The following SPTBN5 variants were observed in gnomAD, a reference collection of about 807,000 sequenced individuals.
SPTBN5 encodes spectrin beta chain, non-erythrocytic 5.
SPTBN5 carries 513 observed loss-of-function variants against 477.6 expected under a neutral mutation model. That is an observed-to-expected ratio of 1.07 (90% CI 1.00 to 1.16). SPTBN5 has a LOEUF of 1.16. SPTBN5 is among the 50% of genes most tolerant of loss of function. The pLI, the probability that SPTBN5 is intolerant of heterozygous loss-of-function variation, is 0.00. For synonymous variants in SPTBN5, 2,169 were observed against 2,011.7 expected (o/e 1.08, Z -2.09); for missense variants, 5,062 against 4,731.8 (o/e 1.07, Z -2.05).
At chr15:41,870,213 T>C (rs1356590608) in intron 31 of SPTBN5, 30 bp downstream of exon 31, 2 of 1,539,944 alleles carry the variant, frequency 1.3e-6, no homozygotes, top group South Asian at 1.2e-5. Flanking sequence ...TGCAGGGGCC[T>C]GGGTCGGAGA....
At position 41,874,080 on chromosome 15, in the gene SPTBN5, A is replaced by C. The variant is rs959892427; in HGVS notation, c.4690-35T>G. On this transcript the variant is annotated intron_variant, in intron 24 of 67. Transcript: ENST00000320955. ...AGTGGCTTGAGAGGCTGCTGCTCTT[A>C]ACCCAGGGGCGTCCGGAGCAGAGCC... The C allele has an allele frequency of 3.2e-6, 5 of 1,556,818 alleles. No homozygotes were observed. In the East Asian group the frequency reaches 1.2e-4, roughly 37 times the overall value.
intron 39 of SPTBN5, among the ~76,000 whole-genome samples, chr15:41,864,540 C>T (rs1472998160): frequency 6.6e-6 from 1 of 152,244 alleles, no homozygotes. Context: ...TCTCAAACTA[C>T]TGACCTCAAG....
At position 41,858,575 on chromosome 15, in the gene SPTBN5, A is replaced by C. The variant is rs775080025; in HGVS notation, c.8226+27T>G. On this transcript the variant is annotated intron_variant, in intron 49 of 67. Coordinates refer to ENST00000320955, the MANE Select transcript of SPTBN5 (RefSeq NM_016642.4). The stretch of plus-strand genomic sequence containing the variant: ...TGTGTTCTGCCTGGAGAGCTGTCCC[A>C]CCACCCTCCTGCCTGCAGGGCCTCA... The C allele has an allele frequency of 3.1e-6, 5 of 1,602,886 alleles. No homozygotes were observed. In the South Asian group the frequency reaches 5.6e-5, roughly 18 times the overall value.
Position 41,872,394 on chromosome 15 carries a change from G to A in SPTBN5, c.5073C>T (p.Thr1691=), listed in dbSNP as rs763550446. 1.2e-5 allele frequency: 19 copies of A among 1,605,016 alleles called. No homozygotes were observed. The South Asian group carries it at 1.8e-4, about 15-fold the overall frequency. Residue 1691 remains threonine, a synonymous_variant, in exon 27 of 68, where the codon ACC becomes ACT. Coordinates refer to ENST00000320955, the MANE Select transcript of SPTBN5 (RefSeq NM_016642.4). ...GCTCAGGGACTTCGGGGCCAGTGAG[G>A]GTTTGGGCCGTCTGGTCAAGCTCCT... ...SMEELDQTAQ[T]LTGPEVPEQQ... is the part of the protein sequence containing the mutation.
At chr15:41,887,689 A>T (rs2067198213) in intron 5 of SPTBN5, among the ~76,000 whole-genome samples, 1 of 152,184 alleles carries the variant, frequency 6.6e-6, no homozygotes, top group Non-Finnish European at 1.5e-5. Flanking sequence ...AGGGTGTAGA[A>T]CATGAATAGA....
chr15:41,863,742 G>A lies in SPTBN5; in HGVS notation c.7111C>T (p.Arg2371Ter), dbSNP rs201500312. The change falls in exon 41 of 68, where the codon CGA becomes TGA. Residue 2371 changes from arginine to a stop codon, truncating the protein, a stop_gained. Coordinates refer to ENST00000320955, the MANE Select transcript of SPTBN5 (RefSeq NM_016642.4). LOFTEE classifies it high-confidence loss of function. ...CTCTTGGTGACATTGTCCAGCTCTCGGGACAACACGTGTATCTCCAAGGCC... is the reference window on the plus strand; with the variant it reads ...CTCTTGGTGACATTGTCCAGCTCTCAGGACAACACGTGTATCTCCAAGGCC... ...EGALEIHVLS[R>*]ELDNVTKRIQ... 1.1e-5 allele frequency: 18 copies of A among 1,613,458 alleles called. No homozygotes were observed. Among genetic ancestry groups the A allele is most frequent in the East Asian group, 4.5e-5 (2 of 44,890 alleles).
At chr15:41,854,022 C>T (rs752635478) in intron 57 of SPTBN5, 28 bp downstream of exon 57, 59 of 1,538,260 alleles carry the variant, frequency 3.8e-5, no homozygotes, top group Non-Finnish European at 5.0e-5. Context: ...GGGGCTCAGA[C>T]AGGCAGGCTG....
chr15:41,870,719 C>T (rs983567114), intron 29 of SPTBN5, among the ~76,000 whole-genome samples, 159 bp from the exon 30 acceptor site: 12 of 152,250 alleles, frequency 7.9e-5, no homozygotes, highest in African/African-American at 2.2e-4. Flanking sequence ...GCCCTGCCTA[C>T]GCACCTTCTT....
intron 66 of SPTBN5, 80 bp from the exon 67 acceptor site, chr15:41,850,039 C>T: frequency 2.5e-6 from 3 of 1,178,584 alleles, no homozygotes; most frequent in Non-Finnish European, 3.7e-6. Flanking sequence ...CTTCCTCCAG[C>T]TTCTGGAGGC....
In SPTBN5 at chr15:41,888,004, T is replaced by A. The variant is rs1178832797; in HGVS notation, c.583A>T (p.Thr195Ser). 6.2e-7 allele frequency: 1 copy of A among 1,600,064 alleles called. No individual in the cohort carries two copies. The highest frequency in any genetic ancestry group is 2.3e-5 in the East Asian group (1 of 44,320). The stretch of plus-strand genomic sequence containing the variant: ...GAGAAATCTGTAATGTTCACGTTGG[T>A]GTAGCTGGCTGTCTTCCGCTGGCAC... ...VWCQRKTASY[T>S]NVNITDFSRS... The change falls in exon 5 of 68, where the codon ACC becomes TCC. Residue 195 changes from threonine (T) to serine (S), a missense_variant. Physicochemically the swap from Thr to Ser is moderately conservative, Grantham distance 58. Coordinates refer to ENST00000320955, the MANE Select transcript of SPTBN5 (RefSeq NM_016642.4).
intron 46 of SPTBN5, 145 bp from the exon 47 acceptor site, chr15:41,860,903 G>T (rs1247757266): frequency 2.4e-6 from 2 of 816,376 alleles, no homozygotes; most frequent in Non-Finnish European, 3.5e-6. Context: ...ATCCCTCAAG[G>T]CTGTTTCCAG....
intron 11 of SPTBN5, 27 bp downstream of exon 11, chr15:41,882,242 C>CA (rs2066987690): frequency 3.7e-6 from 5 of 1,354,258 alleles, no homozygotes; most frequent in African/African-American, 1.5e-5. Flanking sequence ...GCCCCGCCCC[C>CA]ACCCCGCCTC....
Position 41,851,298 on chromosome 15 carries a change from C to T in SPTBN5, c.10728G>A (p.Glu3576=). Residue 3576 remains glutamate, a synonymous_variant, in exon 64 of 68, where the codon GAG becomes GAA. Coordinates refer to ENST00000320955, the MANE Select transcript of SPTBN5 (RefSeq NM_016642.4). ...QGSSLSLFLD[E]RMAAEKVASI... ...CGCCTGGTACCTCCGCTGCCATCCTCTCATCCAGGAACAGGCTCAGAGAGC... is the reference window on the plus strand; with the variant it reads ...CGCCTGGTACCTCCGCTGCCATCCTTTCATCCAGGAACAGGCTCAGAGAGC... The T allele has an allele frequency of 6.4e-7, 1 of 1,551,280 alleles. No individual in the cohort carries two copies. Among genetic ancestry groups the T allele is most frequent in the East Asian group, 2.4e-5 (1 of 40,920 alleles).
chr15:41,886,058 G>A lies in SPTBN5; in HGVS notation c.1197C>T (p.Cys399=). ...CCTCTGCCCACTCCAGCCCTGCCCA[G>A]CACTGGGACAGCTCTGCAAGGCCCA... ...EGLGLAELSQ[C]WAGLEWAEAA... The change falls in exon 7 of 68, where the codon TGC becomes TGT. Residue 399 remains cysteine, a synonymous_variant. Coordinates refer to ENST00000320955, the MANE Select transcript of SPTBN5 (RefSeq NM_016642.4). 3 of 1,590,112 alleles carry A rather than the reference G, an allele frequency of 1.9e-6. No homozygotes were observed. The highest frequency in any genetic ancestry group is 4.6e-5 in the East Asian group (2 of 43,872).
intron 20 of SPTBN5, 88 bp downstream of exon 20, chr15:41,876,460 A>T: frequency 7.3e-7 from 1 of 1,375,488 alleles, no homozygotes; most frequent in Non-Finnish European, 1.0e-6. Context: ...GCGCGTGAGG[A>T]AAGTGCTCTG....
rs997143833 is a variant in SPTBN5 at position 41,852,483 on chromosome 15, T to C, written c.10449+151A>G. The C allele has an allele frequency of 6.3e-6, 8 of 1,272,152 alleles. No individual in the cohort carries two copies. In the African/African-American group the frequency reaches 1.2e-4, roughly 19 times the overall value. 78.8% of individuals were successfully genotyped at this position (1,272,152 alleles called of 1,614,324 possible). The stretch of plus-strand genomic sequence containing the variant: ...CTGGAGGCTCACACCCAGTCCACAA[T>C]GGTGCCTCTCCCACCACCGCAGCTG... On this transcript the variant is annotated intron_variant, in intron 61 of 67. Coordinates refer to ENST00000320955, the MANE Select transcript of SPTBN5 (RefSeq NM_016642.4).
At chr15:41,849,980 C>T (rs1368744882) in intron 66 of SPTBN5, 21 bp from the exon 67 acceptor site, 2 of 1,560,464 alleles carry the variant, frequency 1.3e-6, no homozygotes, top group South Asian at 2.4e-5. Flanking sequence ...AGGGAATAAC[C>T]ACTGTTAGCC....
intron 57 of SPTBN5, 59 bp downstream of exon 57, chr15:41,853,991 C>G (rs62002122): frequency 1.3e-6 from 2 of 1,508,958 alleles, no homozygotes; most frequent in African/African-American, 2.8e-5. Flanking sequence ...GATAGGTCCC[C>G]TCAGCCACCG....
chr15:41,872,006 T>G, intron 27 of SPTBN5, 89 bp from the exon 28 acceptor site: 1 of 1,418,442 alleles, frequency 7.0e-7, no homozygotes, highest in Non-Finnish European at 9.3e-7. Flanking sequence ...ATCTGAAAAC[T>G]GGGGTTACTC....
Sources: gnomAD v4.1 joint callset for allele counts (sites outside exome capture counted in the v4.1 genomes callset) on GRCh38, gnomAD v4.1.1 for gene constraint, MANE v1.5 for transcripts, NCBI Gene and HGNC (gene_info 2026-07-23, HGNC 2026-07-21) for gene names.